GABBR2: variants seen among roughly 807,000 people sequenced by gnomAD.
GABBR2 encodes the protein G-protein coupled receptor 51.
Under a neutral mutation model 105.6 loss-of-function variants are expected in GABBR2, and 23 were observed. The observed-to-expected ratio is 0.22, with a 90% confidence interval of 0.16 to 0.31. The LOEUF (loss-of-function observed/expected upper bound fraction) is 0.31, where lower values mean the gene tolerates loss of function less well. Ranked by LOEUF, GABBR2 falls within the 10% of genes least tolerant of loss-of-function variation. The pLI, the probability that GABBR2 is intolerant of heterozygous loss-of-function variation, is 1.00. For synonymous variants in GABBR2, 478 were observed against 499.7 expected (o/e 0.96, Z 0.58); for missense variants, 734 against 1,245.5 (o/e 0.59, Z 6.18).
chr9:98,575,454 CACTA>C (rs1588235022), intron 2 of GABBR2, among the ~76,000 whole-genome samples: 1 of 152,184 alleles, frequency 6.6e-6, no homozygotes, highest in South Asian at 2.1e-4. Context: ...ACTTAGTTAG[CACTA>C]ACTGTGTGCC....
intron 7 of GABBR2, among the ~76,000 whole-genome samples, chr9:98,427,951 C>G (rs1489581206): frequency 6.6e-6 from 1 of 152,216 alleles, no homozygotes; most frequent in Non-Finnish European, 1.5e-5. Context: ...CCACTGACAT[C>G]TTGCCTGTAT....
chr9:98,480,537 G>C (rs559609571), intron 5 of GABBR2, among the ~76,000 whole-genome samples: 1 of 152,310 alleles, frequency 6.6e-6, no homozygotes, highest in East Asian at 1.9e-4. Flanking sequence ...CAGCTGTAAA[G>C]GATTCAGGAG....
intron 3 of GABBR2, among the ~76,000 whole-genome samples, chr9:98,509,132 C>T (rs1416165765): frequency 6.6e-5 from 10 of 152,330 alleles, no homozygotes; most frequent in African/African-American, 1.9e-4. Context: ...GTTCTGCAGC[C>T]ACCACTGCTG....
intron 9 of GABBR2, 37 bp from the exon 10 acceptor site, chr9:98,389,041 G>A: frequency 1.3e-6 from 2 of 1,579,822 alleles, no homozygotes; most frequent in Non-Finnish European, 1.7e-6. Flanking sequence ...GGGACCCAAT[G>A]CAAGTCATTC....
chr9:98,348,805 T>C (rs951232438), intron 13 of GABBR2, among the ~76,000 whole-genome samples: 1 of 152,224 alleles, frequency 6.6e-6, no homozygotes, highest in Non-Finnish European at 1.5e-5. Context: ...TATTGATTTG[T>C]TCTAAGAGTA....
chr9:98,459,153 C>T (rs949008239), intron 6 of GABBR2, among the ~76,000 whole-genome samples: 2 of 152,218 alleles, frequency 1.3e-5, no homozygotes, highest in Non-Finnish European at 2.9e-5. Flanking sequence ...AGATGCCTCC[C>T]CTTTTCTAAT....
intron 2 of GABBR2, among the ~76,000 whole-genome samples, chr9:98,571,571 T>C (rs967000567): frequency 2.3e-4 from 35 of 152,298 alleles, no homozygotes; most frequent in African/African-American, 7.9e-4. Context: ...AGGGATCTGA[T>C]AAATCCCCTA....
chr9:98,314,799 G>A (rs1830688958), intron 13 of GABBR2, among the ~76,000 whole-genome samples: 1 of 152,116 alleles, frequency 6.6e-6, no homozygotes, highest in Non-Finnish European at 1.5e-5. Context: ...CTCCACCCAG[G>A]CCACCTTGTC....
At chr9:98,563,700 T>C (rs1828711367) in intron 2 of GABBR2, among the ~76,000 whole-genome samples, 1 of 152,210 alleles carries the variant, frequency 6.6e-6, no homozygotes, top group South Asian at 2.1e-4. Context: ...AAAATTATGC[T>C]TAAATCAGCA....
intron 1 of GABBR2, among the ~76,000 whole-genome samples, chr9:98,596,998 C>T (rs1829246693): frequency 6.6e-6 from 1 of 152,114 alleles, no homozygotes; most frequent in African/African-American, 2.4e-5. Context: ...ACTCGCCTTC[C>T]CTAGCAGGAG....
At chr9:98,573,722 A>G (rs1034486035) in intron 2 of GABBR2, among the ~76,000 whole-genome samples, 1 of 152,268 alleles carries the variant, frequency 6.6e-6, no homozygotes, top group African/African-American at 2.4e-5. Context: ...AGAAGGATGT[A>G]GAACAGTGTT....
chr9:98,450,187 A>G (rs549909253), intron 7 of GABBR2, among the ~76,000 whole-genome samples: 1 of 152,318 alleles, frequency 6.6e-6, no homozygotes, highest in African/African-American at 2.4e-5. Flanking sequence ...TCTGCCTGAG[A>G]GTGGAAAAAT....
chr9:98,488,436 T>G (rs1026855437), intron 4 of GABBR2, among the ~76,000 whole-genome samples: 11 of 152,160 alleles, frequency 7.2e-5, no homozygotes, highest in Non-Finnish European at 1.2e-4. Flanking sequence ...GCTATTTTTG[T>G]GAGTCACTCA....
At chr9:98,320,194 A>G (rs1166854939) in intron 13 of GABBR2, among the ~76,000 whole-genome samples, 1 of 152,022 alleles carries the variant, frequency 6.6e-6, no homozygotes, top group Non-Finnish European at 1.5e-5. Context: ...TCTCAAAAGA[A>G]GACATTTGTG....
chr9:98,443,137 G>A (rs571424251), intron 7 of GABBR2, among the ~76,000 whole-genome samples: 1 of 152,268 alleles, frequency 6.6e-6, no homozygotes, highest in Non-Finnish European at 1.5e-5. Context: ...ATTCAAAACT[G>A]TTCATCATTC....
intron 2 of GABBR2, among the ~76,000 whole-genome samples, chr9:98,564,969 G>A (rs139117030): frequency 0.011 from 1,693 of 152,274 alleles, 9 homozygotes; most frequent in Middle Eastern, 0.017. Flanking sequence ...GGACTGAGCC[G>A]GGGAGGAGGG....
At chr9:98,334,945 C>T (rs1831087885) in intron 13 of GABBR2, among the ~76,000 whole-genome samples, 1 of 152,154 alleles carries the variant, frequency 6.6e-6, no homozygotes, top group Non-Finnish European at 1.5e-5. Context: ...TGCTGAGGTG[C>T]CTGGACACTG....
intron 1 of GABBR2, among the ~76,000 whole-genome samples, chr9:98,674,807 C>T (rs1830453982): frequency 6.6e-6 from 1 of 152,182 alleles, no homozygotes; most frequent in Non-Finnish European, 1.5e-5. Flanking sequence ...GACCCTGAGA[C>T]TGGAGGGTTC....
chr9:98,463,663 T>C (rs1341514932), intron 6 of GABBR2, among the ~76,000 whole-genome samples: 1 of 140,928 alleles, frequency 7.1e-6, no homozygotes, highest in Non-Finnish European at 1.6e-5. Context: ...CTTTCTACAG[T>C]CTCCCTCTCT....
Sources: allele counts gnomAD v4.1 joint callset (sites outside exome capture counted in the v4.1 genomes callset), GRCh38; gene constraint gnomAD v4.1.1; transcripts MANE v1.5; gene names NCBI Gene and HGNC (gene_info 2026-07-23, HGNC 2026-07-21).